MAEA: variants seen among roughly 807,000 people sequenced by gnomAD.
MAEA encodes the protein E3 ubiquitin-protein transferase MAEA.
Under a neutral mutation model 46.2 loss-of-function variants are expected in MAEA, and 22 were observed. The observed-to-expected ratio is 0.48, with a 90% CI of 0.34 to 0.68. The LOEUF is 0.68. Ranked by LOEUF, MAEA falls within the 30% of genes least tolerant of loss-of-function variation. The pLI is 0.01. For missense variants in MAEA, 393 were observed against 558.1 expected (o/e 0.70, Z 2.98); for synonymous variants, 246 against 222.6 (o/e 1.11, Z -0.94).
intron 8 of MAEA, 23 bp downstream of exon 8, chr4:1,338,640 G>A (rs1381233614): frequency 1.3e-6 from 2 of 1,576,982 alleles, no homozygotes; most frequent in Admixed American, 1.8e-5. Flanking sequence ...GGGCAGGGGG[G>A]CCAGGCTGGC....
At chr4:1,323,292 C>G (rs778271232) in intron 4 of MAEA, among the ~76,000 whole-genome samples, 4 of 152,104 alleles carry the variant, frequency 2.6e-5, no homozygotes, top group Admixed American at 6.5e-5. Flanking sequence ...AAATGGACTC[C>G]TAAAGGACAA....
intron 1 of MAEA, among the ~76,000 whole-genome samples, chr4:1,290,532 C>G (rs927435854): frequency 6.6e-6 from 1 of 152,240 alleles, no homozygotes; most frequent in African/African-American, 2.4e-5. Flanking sequence ...GGGTGGTCAC[C>G]TAGCCACGTC....
In MAEA at chr4:1,334,614, G is replaced by A. The variant is rs752642535; in HGVS notation, c.765+1749G>A. Among the ~76,000 whole-genome samples the A allele has an allele frequency of 5.3e-5, 8 of 152,248 alleles. No individual in the cohort carries two copies. The South Asian group carries it at 6.2e-4, about 12-fold the overall frequency. ...GTGGAGCATGCACCTCTCACCGGAC[G>A]CAGCCCTGCAGTGTGGTAAAGAGGG... On this transcript the variant is annotated intron_variant, in intron 6 of 8. Transcript: ENST00000303400.
rs1162928075 is a variant in MAEA, at chr4:1,311,439, A to G, written c.70-540A>G. ...AATGGATGGTTCTTACGACTGGGGA[A>G]GGCAAACGCTGTCACACAGGAGAGG... On this transcript the variant is annotated intron_variant, in intron 1 of 8. Coordinates refer to ENST00000303400, the MANE Select transcript of MAEA (RefSeq NM_001017405.3). This position sits in a 1 kb window ranked among gnomAD's most constrained non-coding sequence, Gnocchi z 4.4. Among the ~76,000 whole-genome samples, 1 of 152,242 alleles carries G rather than the reference A, an allele frequency of 6.6e-6. No homozygotes were observed. The highest frequency in any genetic ancestry group is 1.5e-5 in the Non-Finnish European group (1 of 68,040).
intron 1 of MAEA, among the ~76,000 whole-genome samples, chr4:1,307,264 A>G (rs4974596): frequency 0.34 from 51,831 of 151,976 alleles, 10,594 homozygotes; most frequent in Non-Finnish European, 0.46. Context: ...CTATATCACC[A>G]TGACCCTCTC....
intron 6 of MAEA, chr4:1,334,850 C>T: frequency 2.0e-6 from 2 of 985,244 alleles, no homozygotes; most frequent in Non-Finnish European, 2.4e-6. Context: ...TCAGTGAGGA[C>T]CTTCTGGACT....
chr4:1,314,243 C>G (rs928226070), intron 2 of MAEA, among the ~76,000 whole-genome samples: 1 of 151,898 alleles, frequency 6.6e-6, no homozygotes, highest in African/African-American at 2.4e-5. Context: ...AGGAGAATCA[C>G]TTGAACCCAG....
At position 1,339,086 on chromosome 4, in the gene MAEA, A is replaced by G. The variant is rs762825616; in HGVS notation, c.1108A>G (p.Ile370Val). 3.2e-5 allele frequency: 51 copies of G among 1,613,628 alleles called. No homozygotes were observed. Among genetic ancestry groups the G allele is most frequent in the Non-Finnish European group, 3.1e-5 (36 of 1,179,794 alleles). ...TTTTATTTTTCAGTCTCTGCTTTCT[A>G]TCCGTCAAGATGATAAAGTCGTGTG... ...YVYGYNSLLSIRQDDKVVCPR... is the reference protein window; with the variant it reads ...YVYGYNSLLSVRQDDKVVCPR... Residue 370 changes from isoleucine (I) to valine (V), a missense_variant, in exon 9 of 9, where the codon ATC (isoleucine) becomes GTC (valine). By Grantham distance (29) the Ile-to-Val change is conservative (BLOSUM62 3). Around this residue, in one of 2 missense-constraint regions of MAEA, gnomAD observed 358 missense variants for 537.9 expected, o/e 0.67. Transcript: ENST00000303400.
chr4:1,328,625 C>T (rs754861935), intron 5 of MAEA: 211 of 1,253,638 alleles, frequency 1.7e-4, no homozygotes, highest in Admixed American at 2.1e-4. Context: ...ACTCCATATC[C>T]ACCTGCAGTG....
rs138080206 is a variant in MAEA at position 1,338,557 on chromosome 4, C to T, written c.1035C>T (p.Asp345=). The part of the protein sequence containing the change: ...NSRLVCKISG[D]VMNENNPPMM... Reference sequence around the variant, plus strand: ...GCCTGGTCTGCAAGATTTCTGGCGACGTGATGAACGAGAACAATCCGCCCA... The same window carrying T: ...GCCTGGTCTGCAAGATTTCTGGCGATGTGATGAACGAGAACAATCCGCCCA... The change falls in exon 8 of 9, where the codon GAC becomes GAT. Residue 345 remains aspartate (D), a synonymous_variant. Transcript: ENST00000303400. The T allele has an allele frequency of 1.7e-5, 27 of 1,613,272 alleles. 1 individual carries two copies. The African/African-American group carries it at 2.0e-4, about 12-fold the overall frequency.
intron 3 of MAEA, among the ~76,000 whole-genome samples, chr4:1,316,310 G>A (rs1577182817): frequency 2.0e-5 from 3 of 152,056 alleles, no homozygotes; most frequent in Admixed American, 1.3e-4. Context: ...CTCTGCCATC[G>A]GGCAGTTGTC....
intron 1 of MAEA, among the ~76,000 whole-genome samples, chr4:1,291,500 A>G (rs1004801172): frequency 1.2e-4 from 18 of 152,208 alleles, no homozygotes; most frequent in Non-Finnish European, 2.1e-4. Context: ...CAGCTGAGAG[A>G]AGTCTATACA....
intron 5 of MAEA, chr4:1,330,211 G>C (rs1250834300): frequency 9.1e-6 from 8 of 878,442 alleles, no homozygotes; most frequent in Non-Finnish European, 9.6e-6. Context: ...GACCTGGCCT[G>C]TACTTCATGG....
intron 4 of MAEA, among the ~76,000 whole-genome samples, chr4:1,323,252 G>A (rs939653356): frequency 1.3e-5 from 2 of 152,036 alleles, no homozygotes; most frequent in East Asian, 1.9e-4. Flanking sequence ...GCCGAGTACC[G>A]ACTTTTGTAG....
intron 1 of MAEA, among the ~76,000 whole-genome samples, chr4:1,297,135 C>T (rs73069994): frequency 0.065 from 9,854 of 152,292 alleles, 1,018 homozygotes; most frequent in African/African-American, 0.22. Context: ...GGGCCCCAGA[C>T]GAGCCCCAGA....
At chr4:1,335,278 T>C in intron 6 of MAEA, 1 of 985,514 alleles carries the variant, frequency 1.0e-6, no homozygotes, top group Non-Finnish European at 1.2e-6. Flanking sequence ...CACTCTGCAC[T>C]GAGCTGTCCT....
rs1163761805 is a variant in MAEA, at chr4:1,311,159, C to T, written c.70-820C>T. On this transcript the variant is annotated intron_variant, in intron 1 of 8. Coordinates refer to ENST00000303400, the MANE Select transcript of MAEA (RefSeq NM_001017405.3). This position sits in a 1 kb window ranked among gnomAD's most constrained non-coding sequence, Gnocchi z 4.4. The stretch of plus-strand genomic sequence containing the variant: ...CAGAGTTGGGCCCACTGCTCTTGGG[C>T]GGCAGCACGGCCGTGTTGCTGATGC... 5.9e-5 allele frequency among the ~76,000 whole-genome samples: 9 copies of T among 152,340 alleles called. No homozygotes were observed. Among genetic ancestry groups the T allele is most frequent in the Admixed American group, 4.6e-4 (7 of 15,306 alleles).
At chr4:1,325,788 G>A (rs915876496) in intron 4 of MAEA, among the ~76,000 whole-genome samples, 1 of 152,116 alleles carries the variant, frequency 6.6e-6, no homozygotes, top group Non-Finnish European at 1.5e-5. Context: ...TGATTAGTGG[G>A]GTGGGGACTC....
At chr4:1,333,978 G>A (rs1265558267) in intron 6 of MAEA, among the ~76,000 whole-genome samples, 1 of 61,098 alleles carries the variant, frequency 1.6e-5, no homozygotes, top group Non-Finnish European at 3.1e-5. Flanking sequence ...ATGCCCGTGT[G>A]CTCACCCCTG....
Sources: allele counts gnomAD v4.1 joint callset (sites outside exome capture counted in the v4.1 genomes callset), GRCh38; gene constraint gnomAD v4.1.1; regional missense constraint gnomAD v4.1.1; non-coding constraint Gnocchi (gnomAD v3.1); transcripts MANE v1.5; gene names NCBI Gene and HGNC (gene_info 2026-07-23, HGNC 2026-07-21).